Variants in ATP7A observed in about 807,000 individuals in gnomAD.
The protein encoded by ATP7A is ATPase copper transporting alpha.
A neutral mutation model predicts 83.5 loss-of-function variants in ATP7A; 7 were observed. The observed-to-expected ratio is 0.08, with a 90% CI of 0.05 to 0.16. ATP7A has a LOEUF of 0.16. Ranked by LOEUF, ATP7A falls within the 10% of genes least tolerant of loss-of-function variation. ATP7A has a pLI of 1.00. For missense variants in ATP7A, 940 were observed against 1,120.8 expected, an observed-to-expected ratio of 0.84 and a Z score of 2.30; for synonymous variants, 354 against 395.2, an observed-to-expected ratio of 0.90 and a Z score of 1.24.
At chrX:78,003,874 G>A (rs1450908793) in intron 6 of ATP7A, among the ~76,000 whole-genome samples, 3 of 111,091 alleles carry the variant, frequency 2.7e-5, no homozygotes, top group Admixed American at 9.7e-5. Flanking sequence ...CCCAGGCGGC[G>A]GAGGTTGCAG....
chrX:77,949,612 A>G (rs1372514703), intron 1 of ATP7A, among the ~76,000 whole-genome samples: 2 of 112,113 alleles, frequency 1.8e-5, no homozygotes, highest in Non-Finnish European at 3.8e-5. Context: ...ATATGCCAAC[A>G]ATTCTACTGG....
Position 78,011,585 on chromosome X carries a change from C to T in ATP7A, c.2083C>T (p.Leu695Phe). ...CATGAGTAAAGAAGAAATGATCAAC[C>T]TTCATTCTTCTATGTTCCTGGAGCG... ...QNMSKEEMINLHSSMFLERQI... is the reference protein window; with the variant it reads ...QNMSKEEMINFHSSMFLERQI... The change falls in exon 9 of 23, where the codon CTT becomes TTT. Residue 695 changes from leucine (L) to phenylalanine (F), a missense_variant. Coordinates refer to ENST00000341514, the MANE Select transcript of ATP7A (RefSeq NM_000052.7). 2 of 1,210,761 alleles carry T rather than the reference C, an allele frequency of 1.7e-6. No individual in the cohort carries two copies. The highest frequency in any genetic ancestry group is 2.2e-6 in the Non-Finnish European group (2 of 895,037).
chrX:78,011,904 T>C, intron 9 of ATP7A: 1 of 375,662 alleles, frequency 2.7e-6, no homozygotes, highest in Non-Finnish European at 4.6e-6. Context: ...TTATATCTGC[T>C]ACTGTATATA....
At chrX:77,917,690 G>A (rs184775637) in intron 1 of ATP7A, among the ~76,000 whole-genome samples, 67 of 112,355 alleles carry the variant, frequency 6.0e-4, no homozygotes, top group African/African-American at 2.2e-3. Context: ...ATGGTAGTGT[G>A]TTTTCCTTGT....
At position 77,971,658 on chromosome X, in the gene ATP7A, G is replaced by A. The variant is rs2077547692; in HGVS notation, c.17G>A (p.Gly6Asp). 1 of 1,210,493 alleles carries A rather than the reference G, an allele frequency of 8.3e-7. No individual in the cohort carries two copies. Among genetic ancestry groups the A allele is most frequent in the Non-Finnish European group, 1.1e-6 (1 of 894,315 alleles). ...GAAATCAAAATGGATCCAAGTATGG[G>A]TGTGAATTCTGTTACCATTTCTGTT... Reference protein sequence around the residue: MDPSMGVNSVTISVEG... With the variant: MDPSMDVNSVTISVEG... The change falls in exon 2 of 23, where the codon GGT (glycine) becomes GAT (aspartate). Residue 6 changes from glycine (G) to aspartate (D), a missense_variant. Physicochemically the swap from Gly to Asp is moderately conservative, Grantham distance 94. Around this residue, in one of 3 missense-constraint regions of ATP7A, gnomAD observed 350 missense variants for 432.8 expected, o/e 0.81. Transcript: ENST00000341514.
chrX:77,931,672 G>A (rs782114746), intron 1 of ATP7A, among the ~76,000 whole-genome samples: 11 of 106,115 alleles, frequency 1.0e-4, no homozygotes, highest in African/African-American at 3.8e-4. Context: ...CCCGGACGGG[G>A]TGGCTGGCCA....
At chrX:77,977,486 A>G (rs2077582635) in intron 2 of ATP7A, among the ~76,000 whole-genome samples, 2 of 112,550 alleles carry the variant, frequency 1.8e-5, no homozygotes, top group African/African-American at 6.5e-5. Flanking sequence ...AAACTATTGT[A>G]GGTGAATATT....
At position 78,046,986 on chromosome X, in the gene ATP7A, T is replaced by G. The variant is rs193004222; in HGVS notation, c.*416T>G. ...TGAACTCAAAATATTGAAGATACTC[T>G]CAAGCCTGTATCCCTGCCCCACTGG... On this transcript the variant is annotated 3_prime_UTR_variant, in exon 23 of 23. Transcript: ENST00000341514. 2 of 146,578 alleles carry G rather than the reference T, an allele frequency of 1.4e-5. No homozygotes were observed. Among genetic ancestry groups the G allele is most frequent in the African/African-American group, 6.4e-5 (2 of 31,211 alleles). 12.1% of individuals were successfully genotyped at this position (146,578 alleles called of 1,213,427 possible).
At chrX:77,930,964 ACT>A (rs2149046711) in intron 1 of ATP7A, among the ~76,000 whole-genome samples, 1 of 86,020 alleles carries the variant, frequency 1.2e-5, no homozygotes, top group South Asian at 5.4e-4. Flanking sequence ...CTCATTCTTA[ACT>A]CTGTCTTTTA....
intron 1 of ATP7A, among the ~76,000 whole-genome samples, chrX:77,958,016 G>A (rs782452239): frequency 9.0e-6 from 1 of 111,207 alleles, no homozygotes; most frequent in African/African-American, 3.3e-5. Context: ...TTCATGACGG[G>A]TTTGGCACCA....
At chrX:77,987,884 G>A (rs1311231871) in intron 2 of ATP7A, among the ~76,000 whole-genome samples, 1 of 111,329 alleles carries the variant, frequency 9.0e-6, no homozygotes, top group Non-Finnish European at 1.9e-5. Flanking sequence ...CCTGTTTCAT[G>A]TATAACCTTT....
intron 11 of ATP7A, among the ~76,000 whole-genome samples, chrX:78,015,103 T>A (rs1356753312): frequency 2.7e-5 from 3 of 112,468 alleles, no homozygotes; most frequent in Non-Finnish European, 5.6e-5. Context: ...TCCTGTTGTC[T>A]CCAAAATGTT....
intron 1 of ATP7A, among the ~76,000 whole-genome samples, chrX:77,944,289 G>A (rs1202856311): frequency 8.9e-6 from 1 of 112,069 alleles, no homozygotes; most frequent in African/African-American, 3.2e-5. Context: ...AGTGTACACA[G>A]AAGAAAGTTT....
chrX:77,966,106 C>A (rs1267827441), intron 1 of ATP7A, among the ~76,000 whole-genome samples: 1 of 112,082 alleles, frequency 8.9e-6, no homozygotes, highest in African/African-American at 3.2e-5. Flanking sequence ...AATATGCTAA[C>A]AACTATTGAA....
At chrX:78,011,090 C>T in intron 7 of ATP7A, 86 bp from the exon 8 acceptor site, 3 of 867,670 alleles carry the variant, frequency 3.5e-6, no homozygotes, top group Non-Finnish European at 5.1e-6. Context: ...TTGAACTGTT[C>T]TTAATGACAA....
chrX:77,968,862 C>A, intron 1 of ATP7A: 1 of 1,210,411 alleles, frequency 8.3e-7, no homozygotes, highest in Non-Finnish European at 1.1e-6. Context: ...ACAGTATCCT[C>A]CCCGCTGGCC....
intron 4 of ATP7A, among the ~76,000 whole-genome samples, chrX:77,996,153 C>T (rs1557232536): frequency 8.9e-6 from 1 of 112,166 alleles, no homozygotes; most frequent in Non-Finnish European, 1.9e-5. Context: ...TATTTTACAT[C>T]GTTTATCATT....
In ATP7A at chrX:78,011,485, T is replaced by G; in HGVS notation, c.1983T>G (p.Cys661Trp). 8.3e-7 allele frequency: 1 copy of G among 1,211,132 alleles called. No individual in the cohort carries two copies. Among genetic ancestry groups the G allele is most frequent in the Non-Finnish European group, 1.1e-6 (1 of 895,220 alleles). The change falls in exon 9 of 23, where the codon TGT (cysteine) becomes TGG (tryptophan). Residue 661 changes from cysteine to tryptophan, a missense_variant. Cys to Trp is a radical substitution (Grantham distance 215, BLOSUM62 -2). Transcript: ENST00000341514. ...CTTTTCTTGTGAGTCTGTTTTTCTGTATTCCTGTAATGGGGCTGATGATAT... is the reference window on the plus strand; with the variant it reads ...CTTTTCTTGTGAGTCTGTTTTTCTGGATTCCTGTAATGGGGCTGATGATAT... ...RRSFLVSLFF[C>W]IPVMGLMIYM...
intron 1 of ATP7A, chrX:77,962,830 G>A (rs782583621): frequency 1.3e-5 from 5 of 383,342 alleles, no homozygotes; most frequent in Non-Finnish European, 2.6e-5. Flanking sequence ...GAAAATGCAC[G>A]TTTCCTTAAA....
Sources: allele counts gnomAD v4.1 joint callset (sites outside exome capture counted in the v4.1 genomes callset), GRCh38; gene constraint gnomAD v4.1.1; regional missense constraint gnomAD v4.1.1; transcripts MANE v1.5; gene names NCBI Gene and HGNC (gene_info 2026-07-23, HGNC 2026-07-21).